RTF1: variants seen among roughly 807,000 people sequenced by gnomAD.
The protein encoded by RTF1 is RNA polymerase-associated protein RTF1 homolog.
A neutral mutation model predicts 95.7 loss-of-function variants in RTF1; 10 were observed. That is an observed-to-expected ratio of 0.10 (90% CI 0.06 to 0.18). The LOEUF (loss-of-function observed/expected upper bound fraction) is 0.18. RTF1 is among the 10% of genes least tolerant of loss of function. RTF1 has a pLI of 1.00. For missense variants in RTF1, 458 were observed against 875.6 expected (o/e 0.52, Z 6.02); for synonymous variants, 305 against 311.8 (o/e 0.98, Z 0.23).
At chr15:41,423,406 T>C (rs1440529968) in intron 1 of RTF1, among the ~76,000 whole-genome samples, 5 of 137,658 alleles carry the variant, frequency 3.6e-5, no homozygotes, top group Non-Finnish European at 7.8e-5. Context: ...GGAGTCTTGC[T>C]CTGTCACCCA....
chr15:41,472,922 T>C (rs149822484), intron 8 of RTF1, among the ~76,000 whole-genome samples: 4,682 of 151,396 alleles, frequency 0.031, 260 homozygotes, highest in African/African-American at 0.11. Context: ...AGGATGGTCT[T>C]GATCTCCTAA....
At chr15:41,457,576 T>G in intron 3 of RTF1, 96 bp from the exon 4 acceptor site, 1 of 1,037,838 alleles carries the variant, frequency 9.6e-7, no homozygotes, top group Non-Finnish European at 1.5e-6. Flanking sequence ...TTTCTTACTG[T>G]AGCTGAAAGA....
intron 3 of RTF1, among the ~76,000 whole-genome samples, chr15:41,456,555 G>A (rs1380726806): frequency 6.6e-6 from 1 of 151,136 alleles, no homozygotes. Context: ...CCAGCACTTT[G>A]GGAGGCCAAG....
At chr15:41,475,846 G>A (rs202026764) in intron 11 of RTF1, 27 bp downstream of exon 11, 7 of 1,201,610 alleles carry the variant, frequency 5.8e-6, no homozygotes, top group East Asian at 4.7e-5. Flanking sequence ...CCCAGAACCC[G>A]GAGGTTCATC....
chr15:41,462,759 A>G (rs980445950), intron 4 of RTF1, among the ~76,000 whole-genome samples: 8 of 151,792 alleles, frequency 5.3e-5, no homozygotes, highest in Non-Finnish European at 7.4e-5. Flanking sequence ...GTTTATTATT[A>G]TTGTTGTTGT....
At chr15:41,478,497 T>G (rs2140657913) in intron 14 of RTF1, 51 bp from the exon 15 acceptor site, 18 of 1,361,544 alleles carry the variant, frequency 1.3e-5, no homozygotes, top group Non-Finnish European at 1.6e-5. Flanking sequence ...TTATGGTGAA[T>G]GAGAGGAGGG....
intron 7 of RTF1, among the ~76,000 whole-genome samples, chr15:41,470,631 T>C (rs940718484): frequency 1.0e-4 from 15 of 149,690 alleles, no homozygotes; most frequent in Non-Finnish European, 2.1e-4. Context: ...CAGATTGGCC[T>C]GGAGCTTTCA....
At chr15:41,472,324 A>G (rs8036527) in intron 8 of RTF1, among the ~76,000 whole-genome samples, 51,841 of 150,344 alleles carry the variant, frequency 0.34, 9,014 homozygotes, top group African/African-American at 0.41. Flanking sequence ...CCCCTGCCTC[A>G]GCCTCCCGAG....
intron 1 of RTF1, among the ~76,000 whole-genome samples, chr15:41,424,871 C>T (rs1019711350): frequency 1.3e-5 from 2 of 151,882 alleles, no homozygotes; most frequent in South Asian, 2.1e-4. Flanking sequence ...TAGCCAAGTG[C>T]GGTGGCACAC....
Position 41,434,487 on chromosome 15 carries a change from A to G in RTF1, c.199-3834A>G, listed in dbSNP as rs1043595704. On this transcript the variant is annotated intron_variant, in intron 1 of 17. Transcript: ENST00000389629. ...CATCTATATGATGTTCTATAGGGAC[A>G]GAAAACAGGTCTCTGGTTGCCAGGG... Among the ~76,000 whole-genome samples the G allele has an allele frequency of 3.9e-5, 6 of 152,320 alleles. 1 individual carries two copies. The highest frequency in any genetic ancestry group is 3.9e-4 in the Admixed American group (6 of 15,274).
chr15:41,443,105 G>A (rs917615162), intron 2 of RTF1, among the ~76,000 whole-genome samples: 2 of 152,188 alleles, frequency 1.3e-5, no homozygotes, highest in Admixed American at 6.6e-5. Context: ...AAAGTTAATC[G>A]GTAATTTGTT....
chr15:41,459,369 C>G (rs1015235267), intron 4 of RTF1, among the ~76,000 whole-genome samples: 2 of 151,698 alleles, frequency 1.3e-5, no homozygotes, highest in Non-Finnish European at 2.9e-5. Context: ...GAGTGAGACC[C>G]TGTGTCAAAA....
At position 41,438,443 on chromosome 15, in the gene RTF1, G is replaced by T. The variant is rs1272679495; in HGVS notation, c.309+12G>T. The T allele has an allele frequency of 6.5e-7, 1 of 1,533,076 alleles. No individual in the cohort carries two copies. The highest frequency in any genetic ancestry group is 2.0e-5 in the Admixed American group (1 of 50,292). 95.0% of individuals were successfully genotyped at this position (1,533,076 alleles called of 1,614,324 possible). A position where few individuals can be genotyped will look rare whatever the true frequency, so the allele number is the denominator to read the frequency against. The stretch of plus-strand genomic sequence containing the variant: ...ACAGTGACGATGAGGTGGGTGTGGA[G>T]GGCCTCGGCTTCTGGGACCATTAGA... On this transcript the variant is annotated intron_variant, in intron 2 of 17. Transcript: ENST00000389629.
chr15:41,429,448 T>TC (rs1555385105), intron 1 of RTF1, among the ~76,000 whole-genome samples: 19 of 151,350 alleles, frequency 1.3e-4, no homozygotes, highest in East Asian at 1.9e-4. Flanking sequence ...TTTTTTTTTT[T>TC]TCTCTCTCTC....
chr15:41,448,724 A>T (rs1478920877), intron 2 of RTF1: 2 of 151,200 alleles, frequency 1.3e-5, no homozygotes, highest in African/African-American at 2.4e-5. Flanking sequence ...ATCTTGAAAA[A>T]CAAAACAAAA....
At chr15:41,477,549 GTTAA>G in intron 14 of RTF1, 34 bp downstream of exon 14, 3 of 1,577,424 alleles carry the variant, frequency 1.9e-6, no homozygotes, top group Non-Finnish European at 2.6e-6. Context: ...CTAAAACAAA[GTTAA>G]TTAATAAACC....
At chr15:41,428,290 T>G in intron 1 of RTF1, among the ~76,000 whole-genome samples, 1 of 113,978 alleles carries the variant, frequency 8.8e-6, no homozygotes, top group Non-Finnish European at 1.8e-5. Flanking sequence ...TTTTTTGAGA[T>G]GGAGTCTCGC....
At chr15:41,451,152 G>A (rs1275652515) in intron 2 of RTF1, among the ~76,000 whole-genome samples, 1 of 152,080 alleles carries the variant, frequency 6.6e-6, no homozygotes, top group African/African-American at 2.4e-5. Flanking sequence ...TGTGAAATAG[G>A]AGGTTAATTT....
At chr15:41,448,189 G>A (rs1236050987) in intron 2 of RTF1, among the ~76,000 whole-genome samples, 1 of 151,970 alleles carries the variant, frequency 6.6e-6, no homozygotes, top group African/African-American at 2.4e-5. Flanking sequence ...GGAATCTCTC[G>A]TTTATGGGAG....
Sources: gnomAD v4.1 joint callset for allele counts (sites outside exome capture counted in the v4.1 genomes callset) on GRCh38, gnomAD v4.1.1 for gene constraint, MANE v1.5 for transcripts, NCBI Gene and HGNC (gene_info 2026-07-23, HGNC 2026-07-21) for gene names.